KCNMA1: variants seen among roughly 807,000 people sequenced by gnomAD.
KCNMA1 encodes potassium calcium-activated channel subfamily M alpha 1.
Under a neutral mutation model 140.0 loss-of-function variants are expected in KCNMA1, and 29 were observed. The ratio of observed to expected loss-of-function variants is 0.21; its 90% CI spans 0.15 to 0.28. KCNMA1 has a LOEUF of 0.28. KCNMA1 is among the 10% of genes least tolerant of loss of function. The pLI is 1.00. For synonymous variants in KCNMA1, 612 were observed against 611.9 expected, an observed-to-expected ratio of 1.00 and a Z score of 0.00; for missense variants, 880 against 1,602.2, an observed-to-expected ratio of 0.55 and a Z score of 7.70.
At chr10:77,471,805 G>C (rs867475461) in intron 1 of KCNMA1, among the ~76,000 whole-genome samples, 3 of 149,770 alleles carry the variant, frequency 2.0e-5, no homozygotes, top group Admixed American at 6.7e-5. Flanking sequence ...AAATATACAC[G>C]CAGCACACAC....
In KCNMA1 at chr10:76,971,974, GGTGTGT is replaced by G. The variant is rs57558756; in HGVS notation, c.2267-1913_2267-1908del. ...GGTAGAAAGGCAGCGAGGGTGTGTG[GGTGTGT>G]GTGTGTGTGTGTGTGTGTAGGTATG... On this transcript the variant is annotated intron_variant, in intron 19 of 27. Transcript: ENST00000286628. Among the ~76,000 whole-genome samples the G allele has an allele frequency of 3.6e-4, 54 of 148,898 alleles. 1 individual carries two copies. The highest frequency in any genetic ancestry group is 1.3e-3 in the African/African-American group (51 of 40,552).
chr10:77,623,358 G>A (rs912177989), intron 1 of KCNMA1, among the ~76,000 whole-genome samples: 1 of 152,068 alleles, frequency 6.6e-6, no homozygotes, highest in African/African-American at 2.4e-5. Flanking sequence ...TCAGTACTAC[G>A]GTGGCAATCA....
At chr10:77,437,628 C>T (rs1240324569) in intron 1 of KCNMA1, among the ~76,000 whole-genome samples, 1 of 152,114 alleles carries the variant, frequency 6.6e-6, no homozygotes, top group Non-Finnish European at 1.5e-5. Context: ...CCCCAGGCCC[C>T]CTGAGAGCCA....
At chr10:77,049,845 CA>C (rs1014051384) in intron 14 of KCNMA1, among the ~76,000 whole-genome samples, 1 of 152,086 alleles carries the variant, frequency 6.6e-6, no homozygotes, top group Non-Finnish European at 1.5e-5. Context: ...TTACACTTCC[CA>C]AAAAACTTCT....
At chr10:77,006,126 A>G (rs1031404199) in intron 18 of KCNMA1, among the ~76,000 whole-genome samples, 2 of 152,198 alleles carry the variant, frequency 1.3e-5, no homozygotes, top group African/African-American at 2.4e-5. Context: ...ATCAGCAACC[A>G]AATTGTCAGC....
intron 6 of KCNMA1, among the ~76,000 whole-genome samples, chr10:77,120,207 C>T (rs1781050647): frequency 6.6e-6 from 1 of 152,252 alleles, no homozygotes; most frequent in African/African-American, 2.4e-5. Flanking sequence ...ACTTATTCTC[C>T]ATTAGAGCAC....
intron 25 of KCNMA1, among the ~76,000 whole-genome samples, chr10:76,907,906 GA>G (rs1392709703): frequency 1.3e-5 from 2 of 152,094 alleles, no homozygotes; most frequent in Admixed American, 6.6e-5. Context: ...CATGAAAAGT[GA>G]CCTTGCAAAT....
At chr10:77,030,910 G>A (rs2093888572) in intron 15 of KCNMA1, among the ~76,000 whole-genome samples, 1 of 152,168 alleles carries the variant, frequency 6.6e-6, no homozygotes, top group African/African-American at 2.4e-5. Context: ...GTGGCCCACT[G>A]GCCAAAGGAA....
intron 2 of KCNMA1, among the ~76,000 whole-genome samples, chr10:77,255,348 C>T (rs903959315): frequency 6.6e-6 from 1 of 152,046 alleles, no homozygotes; most frequent in Non-Finnish European, 1.5e-5. Flanking sequence ...GCCTGTAATC[C>T]CAGCACTTTG....
chr10:76,954,005 G>C, intron 20 of KCNMA1, 81 bp from the exon 21 acceptor site: 1 of 1,463,068 alleles, frequency 6.8e-7, no homozygotes, highest in Non-Finnish European at 9.4e-7. Context: ...TTACATCTCA[G>C]AGGATGTGAA....
intron 1 of KCNMA1, among the ~76,000 whole-genome samples, chr10:77,431,387 TTCCAGGAA>T (rs2097148392): frequency 1.3e-5 from 2 of 152,196 alleles, no homozygotes; most frequent in South Asian, 4.1e-4. Flanking sequence ...GCCTCTGGTA[TTCCAGGAA>T]TCCTCTTTCA....
Position 77,145,083 on chromosome 10 carries a change from T to G in KCNMA1, c.809-24035A>C, listed in dbSNP as rs7097332. On this transcript the variant is annotated intron_variant, in intron 5 of 27. Transcript: ENST00000286628. The stretch of plus-strand genomic sequence containing the variant: ...AATGCCCCATCATCACTGGGCAATC[T>G]GGTCTCCTACTGTAAATAAAAACCC... Among the ~76,000 whole-genome samples, 622 of 152,320 alleles carry G rather than the reference T, an allele frequency of 4.1e-3. 5 individuals are homozygous for G. The highest frequency in any genetic ancestry group is 0.015 in the African/African-American group (606 of 41,566).
At chr10:77,610,780 A>T (rs1417471099) in intron 1 of KCNMA1, among the ~76,000 whole-genome samples, 1 of 152,248 alleles carries the variant, frequency 6.6e-6, no homozygotes, top group African/African-American at 2.4e-5. Flanking sequence ...TTTTGGAGTG[A>T]TGAAAATGTA....
chr10:77,132,139 T>C (rs1184074547), intron 5 of KCNMA1, among the ~76,000 whole-genome samples: 1 of 151,982 alleles, frequency 6.6e-6, no homozygotes, highest in East Asian at 1.9e-4. Flanking sequence ...GAAAAATATT[T>C]GAAAAATATA....
At chr10:77,612,781 C>T (rs1250945810) in intron 1 of KCNMA1, among the ~76,000 whole-genome samples, 1 of 152,090 alleles carries the variant, frequency 6.6e-6, no homozygotes, top group Non-Finnish European at 1.5e-5. Context: ...GAGGATGATT[C>T]TCTACTCTAC....
chr10:77,420,837 C>T (rs941626557), intron 1 of KCNMA1, among the ~76,000 whole-genome samples: 2 of 152,172 alleles, frequency 1.3e-5, no homozygotes, highest in African/African-American at 4.8e-5. Context: ...TCCATCTCAG[C>T]TTCTCTCCCC....
intron 23 of KCNMA1, chr10:76,939,605 A>G (rs1286326080): frequency 6.6e-6 from 1 of 152,224 alleles, no homozygotes. Flanking sequence ...ACCTTTGGTC[A>G]CCTTTGTGTT....
At chr10:76,994,211 T>C (rs1315502386) in intron 19 of KCNMA1, among the ~76,000 whole-genome samples, 11 of 152,160 alleles carry the variant, frequency 7.2e-5, no homozygotes, top group Non-Finnish European at 1.5e-5. Context: ...TATCTGTAAA[T>C]GGGGCACATT....
chr10:77,159,624 T>C (rs1028142310), intron 5 of KCNMA1, among the ~76,000 whole-genome samples: 31 of 152,168 alleles, frequency 2.0e-4, no homozygotes, highest in Non-Finnish European at 4.0e-4. Context: ...TTCAGGCCTT[T>C]GTTCATTTGC....
Sources: allele counts gnomAD v4.1 joint callset (sites outside exome capture counted in the v4.1 genomes callset), GRCh38; gene constraint gnomAD v4.1.1; transcripts MANE v1.5; gene names NCBI Gene and HGNC (gene_info 2026-07-23, HGNC 2026-07-21).